DOC2B: variants seen among roughly 807,000 people sequenced by gnomAD.
DOC2B encodes the protein double C2-like domain-containing protein beta.
Under a neutral mutation model 28.9 loss-of-function variants are expected in DOC2B, and 21 were observed. The ratio of observed to expected loss-of-function variants is 0.73; its 90% CI spans 0.52 to 1.05. The LOEUF is 1.05. Among genes scored for constraint, DOC2B ranks in the 50% least tolerant of loss-of-function variants. The pLI, the probability that DOC2B is intolerant of heterozygous loss-of-function variation, is 0.00. For missense variants in DOC2B, 384 were observed against 421.1 expected (o/e 0.91, Z 0.77); for synonymous variants, 194 against 178.1 (o/e 1.09, Z -0.71).
chr17:150,228 G>A (rs2040057343), intron 6 of DOC2B, among the ~76,000 whole-genome samples: 1 of 152,208 alleles, frequency 6.6e-6, no homozygotes, highest in East Asian at 1.9e-4. Flanking sequence ...CCCTGTTCCT[G>A]CATAGATAAT....
chr17:156,412 C>A, intron 5 of DOC2B, 35 bp from the exon 6 acceptor site: 1 of 1,543,848 alleles, frequency 6.5e-7, no homozygotes, highest in Non-Finnish European at 8.7e-7. Context: ...TCCTCACCTG[C>A]TCCCACCCCT....
chr17:180,482 G>A (rs917802858), intron 1 of DOC2B, among the ~76,000 whole-genome samples: 3 of 152,156 alleles, frequency 2.0e-5, no homozygotes, highest in Non-Finnish European at 2.9e-5. Flanking sequence ...CTGCGGCGGG[G>A]TCCATGGACA....
At chr17:156,195 G>C in intron 6 of DOC2B, 25 bp downstream of exon 6, 3 of 1,529,210 alleles carry the variant, frequency 2.0e-6, no homozygotes, top group Non-Finnish European at 2.6e-6. Context: ...GACGTGGCAG[G>C]TGGTCACGCG....
rs2040035934 is a variant in DOC2B at position 148,182 on chromosome 17, C to T, written c.1093G>A (p.Asp365Asn). ...VWDYDIGKSN[D>N]FIGGVVLGIH... is the part of the protein sequence containing the mutation. The stretch of plus-strand genomic sequence containing the variant: ...CACTATGCCCCCTTACCAATGAAAT[C>T]GTTGGATTTTCCAATGTCGTAATCC... The change falls in exon 8 of 9, where the codon GAT becomes AAT. Residue 365 changes from aspartate to asparagine, a missense_variant. By Grantham distance (23) the Asp-to-Asn change is conservative. Transcript: ENST00000613549. 5.0e-6 allele frequency: 2 copies of T among 398,594 alleles called. No homozygotes were observed. The highest frequency in any genetic ancestry group is 8.8e-6 in the Non-Finnish European group (2 of 226,066). The allele number at this position is 398,594 out of a possible 1,614,324, so 24.7% of individuals were successfully genotyped here. A position where few individuals can be genotyped will look rare whatever the true frequency, so the allele number is the denominator to read the frequency against.
intron 1 of DOC2B, among the ~76,000 whole-genome samples, chr17:174,147 T>A (rs2040343183): frequency 6.6e-6 from 1 of 152,066 alleles, no homozygotes; most frequent in Non-Finnish European, 1.5e-5. Context: ...GGGAGTGGCA[T>A]TTGTCTAGAT....
At chr17:170,829 G>A (rs1220419913) in intron 2 of DOC2B, among the ~76,000 whole-genome samples, 6 of 112,600 alleles carry the variant, frequency 5.3e-5, no homozygotes, top group African/African-American at 1.4e-4. Flanking sequence ...ACCAGGGGCC[G>A]GGCCAGGCTG....
rs2040445986 is a variant in DOC2B at position 181,623 on chromosome 17, C to A, written c.-144G>T. 9.3e-6 allele frequency: 2 copies of A among 215,888 alleles called. No individual in the cohort carries two copies. Among genetic ancestry groups the A allele is most frequent in the African/African-American group, 2.4e-5 (1 of 42,066 alleles). The allele number at this position is 215,888 out of a possible 1,614,324, so 13.4% of individuals were successfully genotyped here. A position where few individuals can be genotyped will look rare whatever the true frequency, so the allele number is the denominator to read the frequency against. The stretch of plus-strand genomic sequence containing the variant: ...GGACGGCCCTGACTTGGCCGCTGCC[C>A]GCTCCGCTGCGGACGGCGCGAGCGA... On this transcript the variant is annotated 5_prime_UTR_variant, in exon 1 of 9. Coordinates refer to ENST00000613549, the MANE Select transcript of DOC2B (RefSeq NM_003585.5). This position sits in a 1 kb window ranked among gnomAD's most constrained non-coding sequence, Gnocchi z 7.0.
Position 145,685 on chromosome 17 carries a change from AC to A in DOC2B, c.*1755del. The A allele has an allele frequency of 6.5e-6, 1 of 152,732 alleles. No individual in the cohort carries two copies. Among genetic ancestry groups the A allele is most frequent in the Non-Finnish European group, 1.5e-5 (1 of 68,404 alleles). The allele number at this position is 152,732 out of a possible 1,614,324, so 9.5% of individuals were successfully genotyped here. On this transcript the variant is annotated 3_prime_UTR_variant, in exon 9 of 9. Transcript: ENST00000613549. ...CTTTGTGTCTGCAGTGGAAGGTCCC[AC>A]CGTCGTGCCTGTGAGTCCCTCTATC...
chr17:151,144 GC>G (rs2040067989), intron 6 of DOC2B, among the ~76,000 whole-genome samples: 1 of 152,140 alleles, frequency 6.6e-6, no homozygotes. Context: ...GGTGGTGCAT[GC>G]CTGTAGTCCC....
intron 1 of DOC2B, among the ~76,000 whole-genome samples, chr17:178,273 G>A (rs144218289): frequency 0.029 from 4,365 of 152,316 alleles, 208 homozygotes; most frequent in African/African-American, 0.099. Context: ...GCACAGCCAC[G>A]AGCAAAGATG....
chr17:164,331 CG>C, intron 2 of DOC2B, 127 bp from the exon 3 acceptor site: 1 of 693,712 alleles, frequency 1.4e-6, no homozygotes, highest in Non-Finnish European at 2.5e-6. Context: ...CAGAAGCCCC[CG>C]GGCCCCACAC....
chr17:175,081 A>C (rs1043325188), intron 1 of DOC2B, among the ~76,000 whole-genome samples: 2 of 152,126 alleles, frequency 1.3e-5, no homozygotes, highest in Non-Finnish European at 2.9e-5. Flanking sequence ...TCTACAAAAA[A>C]TACAAAAATA....
chr17:174,907 T>G (rs2040352032), intron 1 of DOC2B, among the ~76,000 whole-genome samples: 1 of 152,098 alleles, frequency 6.6e-6, no homozygotes. Flanking sequence ...TCACTTGAGC[T>G]CAGGAGTTCG....
chr17:149,260 G>A, intron 6 of DOC2B, 68 bp from the exon 7 acceptor site: 1 of 398,934 alleles, frequency 2.5e-6, no homozygotes, highest in Non-Finnish European at 4.4e-6. Flanking sequence ...AAGCCAGCAG[G>A]TATTCAAAGA....
rs188035958 is a variant in DOC2B, at chr17:157,458, C to T, written c.766-1081G>A. ...GCCTCTAAGTTCCTTGAAGTTGGAA[C>T]TCTACCTGTAAATTTTGATTTTGAC... On this transcript the variant is annotated intron_variant, in intron 5 of 8. Coordinates refer to ENST00000613549, the MANE Select transcript of DOC2B (RefSeq NM_003585.5). Among the ~76,000 whole-genome samples the T allele has an allele frequency of 1.4e-3, 216 of 152,280 alleles. 1 individual carries two copies. The highest frequency in any genetic ancestry group is 4.9e-3 in the African/African-American group (205 of 41,552).
chr17:174,157 T>A (rs956614149), intron 1 of DOC2B, among the ~76,000 whole-genome samples: 4 of 152,206 alleles, frequency 2.6e-5, no homozygotes, highest in Non-Finnish European at 5.9e-5. Context: ...TTTGTCTAGA[T>A]CATCCCCTTC....
intron 6 of DOC2B, among the ~76,000 whole-genome samples, chr17:153,484 C>G (rs541245527): frequency 1.3e-5 from 2 of 152,322 alleles, no homozygotes; most frequent in South Asian, 2.1e-4. Context: ...GGGTGGATCA[C>G]TTGAGGTCAG....
chr17:147,464 G>A lies in DOC2B; in HGVS notation c.1216C>T (p.Pro406Ser), dbSNP rs1387390138. 1.0e-5 allele frequency: 4 copies of A among 398,788 alleles called. No individual in the cohort carries two copies. Among genetic ancestry groups the A allele is most frequent in the African/African-American group, 4.1e-5 (2 of 48,776 alleles). The allele number at this position is 398,788 out of a possible 1,614,324, so 24.7% of individuals were successfully genotyped here. Residue 406 changes from proline (P) to serine (S), a missense_variant, in exon 9 of 9, where the codon CCA (proline) becomes TCA (serine). Physicochemically the swap from Pro to Ser is moderately conservative, Grantham distance 74 (BLOSUM62 -1). Coordinates refer to ENST00000613549, the MANE Select transcript of DOC2B (RefSeq NM_003585.5). ...ERWHTLTSEL[P>S]GAVLSD Reference sequence around the variant, plus strand: ...CGTCAGTCGCTGAGCACAGCCCCTGGGAGCTCGCTGGTGAGCGTGTGCCAG... The same window carrying A: ...CGTCAGTCGCTGAGCACAGCCCCTGAGAGCTCGCTGGTGAGCGTGTGCCAG...
Position 181,550 on chromosome 17 carries a change from G to A in DOC2B, c.-71C>T. 1 of 839,940 alleles carries A rather than the reference G, an allele frequency of 1.2e-6. No homozygotes were observed. Among genetic ancestry groups the A allele is most frequent in the Non-Finnish European group, 1.4e-6 (1 of 700,466 alleles). The allele number at this position is 839,940 out of a possible 1,614,324, so 52.0% of individuals were successfully genotyped here. ...CCCCGGCCCGGGGGCGGCTCAGCAGGCCCGGCGGGGCGCGGCGGGGGCTGC... is the reference window on the plus strand; with the variant it reads ...CCCCGGCCCGGGGGCGGCTCAGCAGACCCGGCGGGGCGCGGCGGGGGCTGC... On this transcript the variant is annotated 5_prime_UTR_variant, in exon 1 of 9. Coordinates refer to ENST00000613549, the MANE Select transcript of DOC2B (RefSeq NM_003585.5). The surrounding 1 kb of genome is among the most constrained non-coding windows in gnomAD (Gnocchi z 7.0).
Sources: allele counts gnomAD v4.1 joint callset (sites outside exome capture counted in the v4.1 genomes callset), GRCh38; gene constraint gnomAD v4.1.1; non-coding constraint Gnocchi (gnomAD v3.1); transcripts MANE v1.5; gene names NCBI Gene and HGNC (gene_info 2026-07-23, HGNC 2026-07-21).